The following PLCG2 variants were observed in gnomAD, a reference collection of about 807,000 sequenced individuals.
PLCG2 encodes the protein phospholipase C gamma 2, also known as 1-phosphatidylinositol 4,5-bisphosphate phosphodiesterase gamma-2.
In PLCG2, 69 loss-of-function variants were observed where a neutral mutation model predicts 175.6. The ratio of observed to expected loss-of-function variants is 0.39; its 90% CI spans 0.32 to 0.48. The LOEUF is 0.48. PLCG2 is among the 20% of genes least tolerant of loss of function. The pLI is 0.91. For missense variants in PLCG2, 1,798 were observed against 1,650.9 expected (o/e 1.09, Z -1.54); for synonymous variants, 827 against 624.0 (o/e 1.33, Z -4.85).
At chr16:81,879,017 C>T (rs975415169) in intron 7 of PLCG2, among the ~76,000 whole-genome samples, 4 of 152,240 alleles carry the variant, frequency 2.6e-5, no homozygotes, top group African/African-American at 9.6e-5. Context: ...CCAGGTCTTT[C>T]CTGGTTCTGG....
chr16:81,755,276 A>G (rs995752649), intron 1 of PLCG2, among the ~76,000 whole-genome samples: 7 of 151,916 alleles, frequency 4.6e-5, no homozygotes, highest in Non-Finnish European at 8.8e-5. Context: ...GGCTCACTGC[A>G]GCCTTGACCT....
intron 11 of PLCG2, among the ~76,000 whole-genome samples, chr16:81,892,847 CTTTT>C (rs58257849): frequency 9.7e-5 from 13 of 133,678 alleles, no homozygotes; most frequent in Non-Finnish European, 1.1e-4. Flanking sequence ...GGAACATAAA[CTTTT>C]TTTTTTTTTT....
rs117979034 is a variant in PLCG2, at chr16:81,904,748, C to T, written c.1363-655C>T. On this transcript the variant is annotated intron_variant, in intron 14 of 32. Coordinates refer to ENST00000564138, the MANE Select transcript of PLCG2 (RefSeq NM_002661.5). Reference sequence around the variant, plus strand: ...CTCAACAGGAAGCAAAACAACATCCCTGCCCTCATGGGGTTTATATTCTAG... The same window carrying T: ...CTCAACAGGAAGCAAAACAACATCCTTGCCCTCATGGGGTTTATATTCTAG... 1.6e-4 allele frequency among the ~76,000 whole-genome samples: 24 copies of T among 152,328 alleles called. No homozygotes were observed. The East Asian group carries it at 4.4e-3, about 28-fold the overall frequency.
At chr16:81,805,381 C>G (rs534570423) in intron 2 of PLCG2, among the ~76,000 whole-genome samples, 1 of 151,630 alleles carries the variant, frequency 6.6e-6, no homozygotes, top group South Asian at 2.1e-4. Context: ...TGCCTATAGT[C>G]CCAGCTACTC....
intron 2 of PLCG2, among the ~76,000 whole-genome samples, chr16:81,765,565 A>C (rs1910130988): frequency 6.6e-6 from 1 of 152,236 alleles, no homozygotes; most frequent in Non-Finnish European, 1.5e-5. Flanking sequence ...CGAGAAGCAG[A>C]GGTTGCTGTG....
chr16:81,928,689 C>T (rs905354217), intron 24 of PLCG2, 65 bp downstream of exon 24: 64 of 1,062,748 alleles, frequency 6.0e-5, no homozygotes, highest in South Asian at 8.8e-5. Context: ...ACCTCAGCCC[C>T]GCCCTACACA....
chr16:81,850,389 G>T (rs948912686), intron 2 of PLCG2, among the ~76,000 whole-genome samples: 2 of 152,202 alleles, frequency 1.3e-5, no homozygotes, highest in African/African-American at 4.8e-5. Flanking sequence ...GCACGAAAAG[G>T]ATCTTTCTGT....
chr16:81,816,406 A>G (rs1904548511), intron 2 of PLCG2, among the ~76,000 whole-genome samples: 1 of 152,106 alleles, frequency 6.6e-6, no homozygotes, highest in Non-Finnish European at 1.5e-5. Flanking sequence ...ATACTGAACT[A>G]TCTGGCATAT....
At chr16:81,793,955 C>G (rs1911352568) in intron 2 of PLCG2, among the ~76,000 whole-genome samples, 1 of 152,194 alleles carries the variant, frequency 6.6e-6, no homozygotes, top group South Asian at 2.1e-4. Flanking sequence ...TAAATGATCT[C>G]AAAGACGTAT....
chr16:81,798,176 T>C (rs4889385), intron 2 of PLCG2, among the ~76,000 whole-genome samples: 98,204 of 151,992 alleles, frequency 0.65, 32,108 homozygotes, highest in East Asian at 0.89. Context: ...TAGTGGAGCT[T>C]ACCCCATCAG....
chr16:81,801,358 A>G (rs1911708265), intron 2 of PLCG2, among the ~76,000 whole-genome samples: 1 of 152,160 alleles, frequency 6.6e-6, no homozygotes, highest in Admixed American at 6.5e-5. Flanking sequence ...TTAACATATA[A>G]TATGTTTTGC....
In PLCG2 at chr16:81,961,630, G is replaced by A. The variant is rs1023139487; in HGVS notation, c.*3632G>A. On this transcript the variant is annotated 3_prime_UTR_variant, in exon 33 of 33. Coordinates refer to ENST00000564138, the MANE Select transcript of PLCG2 (RefSeq NM_002661.5). ...TAAAAGGAAAAGTGGGGCATTCCTT[G>A]CTACTAAAAATTGCCTTGTTCCAGG... 22 of 215,940 alleles carry A rather than the reference G, an allele frequency of 1.0e-4. No homozygotes were observed. The highest frequency in any genetic ancestry group is 4.7e-4 in the African/African-American group (21 of 44,524). 13.4% of individuals were successfully genotyped at this position (215,940 alleles called of 1,614,324 possible). A position where few individuals can be genotyped will look rare whatever the true frequency, so the allele number is the denominator to read the frequency against.
intron 1 of PLCG2, among the ~76,000 whole-genome samples, chr16:81,750,308 T>C (rs1909782442): frequency 6.6e-6 from 1 of 151,208 alleles, no homozygotes; most frequent in Non-Finnish European, 1.5e-5. Context: ...TAATCCTAGC[T>C]ACTCAGGAGG....
chr16:81,916,428 C>A, intron 19 of PLCG2, among the ~76,000 whole-genome samples: 1 of 151,712 alleles, frequency 6.6e-6, no homozygotes, highest in Non-Finnish European at 1.5e-5. Flanking sequence ...AGCAGTATGC[C>A]CATAGAAACG....
At chr16:81,789,287 C>A (rs376820942) in intron 2 of PLCG2, among the ~76,000 whole-genome samples, 1 of 152,172 alleles carries the variant, frequency 6.6e-6, no homozygotes, top group African/African-American at 2.4e-5. Flanking sequence ...TACGCGGATG[C>A]GCTCTCTCGC....
At chr16:81,881,166 C>T (rs1908061077) in intron 8 of PLCG2, among the ~76,000 whole-genome samples, 29 of 151,998 alleles carry the variant, frequency 1.9e-4, no homozygotes, top group Admixed American at 1.9e-3. Context: ...GAGGATGGTC[C>T]AGAAAGTTCT....
rs939858756 is a variant in PLCG2, at chr16:81,788,358, G to T, written c.193+2176G>T. ...TGCAGTAGTACAATGTCAGCTCACTGCAAGCTCCGCCTCCCGGATTCATGC... is the reference window on the plus strand; with the variant it reads ...TGCAGTAGTACAATGTCAGCTCACTTCAAGCTCCGCCTCCCGGATTCATGC... On this transcript the variant is annotated intron_variant, in intron 2 of 32. Coordinates refer to ENST00000564138, the MANE Select transcript of PLCG2 (RefSeq NM_002661.5). 2.6e-5 allele frequency among the ~76,000 whole-genome samples: 4 copies of T among 152,286 alleles called. No individual in the cohort carries two copies. In the South Asian group the frequency reaches 6.2e-4, roughly 24 times the overall value.
At chr16:81,849,644 G>C (rs1248655697) in intron 2 of PLCG2, among the ~76,000 whole-genome samples, 1 of 151,924 alleles carries the variant, frequency 6.6e-6, no homozygotes, top group Admixed American at 6.6e-5. Flanking sequence ...GGTGGCGGAT[G>C]CCTGTAATCC....
upstream of PLCG2, among the ~76,000 whole-genome samples, chr16:81,775,372 C>T (rs1910376708): frequency 6.6e-6 from 1 of 152,192 alleles, no homozygotes; most frequent in South Asian, 2.1e-4. Flanking sequence ...GAGCAGCCCA[C>T]AGCCATAAAA....
Sources: gnomAD v4.1 joint callset for allele counts (sites outside exome capture counted in the v4.1 genomes callset) on GRCh38, gnomAD v4.1.1 for gene constraint, MANE v1.5 for transcripts, NCBI Gene and HGNC (gene_info 2026-07-23, HGNC 2026-07-21) for gene names.